The following DNAH17 variants were observed in gnomAD, a reference collection of about 807,000 sequenced individuals.
DNAH17 encodes the protein dynein axonemal heavy chain 17.
A neutral mutation model predicts 485.6 loss-of-function variants in DNAH17; 376 were observed. The observed-to-expected ratio is 0.77, with a 90% CI of 0.71 to 0.84. The LOEUF (loss-of-function observed/expected upper bound fraction) is 0.84. DNAH17 is among the 40% of genes least tolerant of loss of function. The probability of loss-of-function intolerance (pLI) is 0.00; values close to 1 mark genes in which losing one functional copy is unlikely to be tolerated. For synonymous variants in DNAH17, 3,031 were observed against 2,405.9 expected (o/e 1.26, Z -7.60); for missense variants, 6,370 against 5,839.3 (o/e 1.09, Z -2.96).
chr17:78,558,020 C>A, intron 14 of DNAH17, 88 bp downstream of exon 14: 1 of 1,438,412 alleles, frequency 7.0e-7, no homozygotes, highest in Non-Finnish European at 9.3e-7. Context: ...CCAGGAAGAG[C>A]CACATCTCTG....
At chr17:78,543,444 C>T (rs1416586834) in intron 17 of DNAH17, among the ~76,000 whole-genome samples, 3 of 152,108 alleles carry the variant, frequency 2.0e-5, no homozygotes, top group South Asian at 2.1e-4. Context: ...GCGCCCGCCA[C>T]CGCGCCCGGC....
intron 20 of DNAH17, 55 bp downstream of exon 20, chr17:78,532,427 C>A: frequency 6.5e-7 from 1 of 1,537,580 alleles, no homozygotes; most frequent in Admixed American, 2.1e-5. Flanking sequence ...GCCTGGTGAT[C>A]CTCTCCTGGA....
chr17:78,543,287 G>GTATTTTTTTTTTTTTTTTTT (rs1200669389), intron 17 of DNAH17, among the ~76,000 whole-genome samples: 1 of 139,228 alleles, frequency 7.2e-6, no homozygotes, highest in African/African-American at 2.7e-5. Context: ...GTTAATTTTT[G>GTATTTTTTTTTTTTTTTTTT]TTTTTTTTTT....
Position 78,458,214 on chromosome 17 carries a change from A to G in DNAH17, c.9977+351T>C, listed in dbSNP as rs991790398. 5.9e-5 allele frequency among the ~76,000 whole-genome samples: 9 copies of G among 152,196 alleles called. No individual in the cohort carries two copies. The South Asian group carries it at 8.3e-4, about 14-fold the overall frequency. On this transcript the variant is annotated intron_variant, in intron 62 of 80. Coordinates refer to ENST00000389840, the MANE Select transcript of DNAH17 (RefSeq NM_173628.4). ...CGACGCTACTCTGGAGCCCCAAACC[A>G]TGATGTAATCCGTGAAATGACTGTC... is the stretch of plus-strand genomic sequence containing the variant.
At chr17:78,565,746 G>T (rs2092253605) in intron 11 of DNAH17, among the ~76,000 whole-genome samples, 1 of 152,190 alleles carries the variant, frequency 6.6e-6, no homozygotes, top group Non-Finnish European at 1.5e-5. Context: ...CTGAGGTCAG[G>T]AGTTCGAGAC....
chr17:78,449,396 A>G lies in DNAH17; in HGVS notation c.11211+18T>C, dbSNP rs1365571941. On this transcript the variant is annotated intron_variant, in intron 69 of 80. Coordinates refer to ENST00000389840, the MANE Select transcript of DNAH17 (RefSeq NM_173628.4). ...CTGGTCCACGGACCACACTAGGAAC[A>G]GTGAGGCTAGACATTACCTGAAACG... 3.2e-6 allele frequency: 5 copies of G among 1,541,710 alleles called. No homozygotes were observed. Among genetic ancestry groups the G allele is most frequent in the Non-Finnish European group, 4.4e-6 (5 of 1,140,022 alleles).
At chr17:78,442,606 G>A (rs962965629) in intron 71 of DNAH17, among the ~76,000 whole-genome samples, 6 of 152,240 alleles carry the variant, frequency 3.9e-5, no homozygotes, top group Admixed American at 2.0e-4. Flanking sequence ...GGCTGTGGAT[G>A]AATTAATGAT....
chr17:78,438,437 G>GGAGA, intron 73 of DNAH17, among the ~76,000 whole-genome samples: 1 of 95,124 alleles, frequency 1.1e-5, no homozygotes, highest in South Asian at 3.9e-4. Context: ...GGAGGAGGAG[G>GGAGA]AGGAGGAGGG....
At chr17:78,505,900 C>A (rs577063011) in intron 30 of DNAH17, among the ~76,000 whole-genome samples, 12 of 152,118 alleles carry the variant, frequency 7.9e-5, no homozygotes, top group Non-Finnish European at 1.6e-4. Flanking sequence ...ATCACCTGAA[C>A]CCAGGAGGCA....
intron 54 of DNAH17, among the ~76,000 whole-genome samples, chr17:78,472,978 G>A (rs187478489): frequency 2.2e-4 from 33 of 152,228 alleles, no homozygotes; most frequent in East Asian, 1.3e-3. Context: ...CTTTTCACAC[G>A]GCACACTGTC....
chr17:78,553,530 G>T (rs144815607), intron 14 of DNAH17, among the ~76,000 whole-genome samples: 1 of 151,946 alleles, frequency 6.6e-6, no homozygotes, highest in Admixed American at 6.6e-5. Context: ...TTGAACTCCT[G>T]ACCTCAAATG....
At chr17:78,495,792 C>T (rs903044434) in intron 38 of DNAH17, 83 bp downstream of exon 38, 15 of 1,517,000 alleles carry the variant, frequency 9.9e-6, no homozygotes, top group Non-Finnish European at 1.3e-5. Flanking sequence ...CTGCCCCTCC[C>T]CTCTGCCCAC....
In DNAH17 at chr17:78,428,658, A is replaced by G; in HGVS notation, c.12455T>C (p.Leu4152Pro). 6.2e-7 allele frequency: 1 copy of G among 1,613,996 alleles called. No homozygotes were observed. The highest frequency in any genetic ancestry group is 1.3e-5 in the African/African-American group (1 of 75,020). Residue 4152 changes from leucine (L) to proline (P), a missense_variant, in exon 77 of 81, where the codon CTG (leucine) becomes CCG (proline). Physicochemically the swap from Leu to Pro is moderately conservative, Grantham distance 98 (BLOSUM62 -3). Transcript: ENST00000389840. ...DENLPPESPYLYGLHPNAEIG... is the reference protein window; with the variant it reads ...DENLPPESPYPYGLHPNAEIG... ...CTCTGCGTTGGGGTGCAGGCCATAC[A>G]GATAGGGACTCTCAGGGGGCAGGTT... is the stretch of plus-strand genomic sequence containing the variant.
At chr17:78,468,333 C>T (rs918488140) in intron 55 of DNAH17, among the ~76,000 whole-genome samples, 6 of 152,120 alleles carry the variant, frequency 3.9e-5, no homozygotes, top group African/African-American at 1.2e-4. Flanking sequence ...TCCATCCCTC[C>T]GTGGATTCTG....
At chr17:78,478,928 C>T in intron 51 of DNAH17, 97 bp downstream of exon 51, 2 of 926,710 alleles carry the variant, frequency 2.2e-6, no homozygotes. Flanking sequence ...CCACCATCAT[C>T]AGTCCACACC....
At chr17:78,472,423 C>T (rs915273882) in intron 54 of DNAH17, among the ~76,000 whole-genome samples, 4 of 152,204 alleles carry the variant, frequency 2.6e-5, no homozygotes, top group Admixed American at 2.6e-4. Flanking sequence ...CAAGCCCCCA[C>T]CCCACCCGAT....
intron 55 of DNAH17, among the ~76,000 whole-genome samples, chr17:78,467,374 T>C (rs576737688): frequency 1.3e-5 from 2 of 152,302 alleles, no homozygotes; most frequent in East Asian, 1.9e-4. Flanking sequence ...ACGCTGCCAT[T>C]GAATGGGGTG....
At chr17:78,471,755 C>T (rs201060275) in intron 54 of DNAH17, among the ~76,000 whole-genome samples, 16 of 152,100 alleles carry the variant, frequency 1.1e-4, no homozygotes, top group East Asian at 3.9e-4. Flanking sequence ...CCACTGTGAC[C>T]GCTGGGCTGT....
intron 35 of DNAH17, 104 bp downstream of exon 35, chr17:78,501,080 G>GT: frequency 7.4e-7 from 1 of 1,357,542 alleles, no homozygotes; most frequent in Non-Finnish European, 9.9e-7. Context: ...CAAATGCCCA[G>GT]TCCTTCCAGC....
Sources: allele counts gnomAD v4.1 joint callset (sites outside exome capture counted in the v4.1 genomes callset), GRCh38; gene constraint gnomAD v4.1.1; transcripts MANE v1.5; gene names NCBI Gene and HGNC (gene_info 2026-07-23, HGNC 2026-07-21).